Variants in CAPS2 observed in about 807,000 individuals in gnomAD.
The protein encoded by CAPS2 is calcyphosin-2.
CAPS2 carries 98 observed loss-of-function variants against 86.5 expected under a neutral mutation model. The observed-to-expected ratio is 1.13, with a 90% confidence interval of 0.96 to 1.34. The LOEUF (loss-of-function observed/expected upper bound fraction) is 1.34. CAPS2 is among the 40% of genes most tolerant of loss of function. CAPS2 has a pLI of 0.00. For missense variants in CAPS2, 729 were observed against 686.8 expected (o/e 1.06, Z -0.69); for synonymous variants, 210 against 225.1 (o/e 0.93, Z 0.60).
chr12:75,282,276 T>C (rs1331285389), exon 16 of CAPS2: 2 of 1,599,672 alleles, frequency 1.3e-6, no homozygotes, highest in East Asian at 2.2e-5. Context: ...AATGCTTCTT[T>C]GCACAGTAAC....
intron 1 of CAPS2, among the ~76,000 whole-genome samples, chr12:75,388,215 T>C (rs532651672): frequency 8.2e-4 from 125 of 152,304 alleles, no homozygotes; most frequent in Non-Finnish European, 1.2e-3. Flanking sequence ...GCTGCCACCA[T>C]GTAAGATGTC....
chr12:75,310,056 A>G (rs1042056050), intron 7 of CAPS2, among the ~76,000 whole-genome samples: 17 of 152,208 alleles, frequency 1.1e-4, no homozygotes, highest in Non-Finnish European at 2.4e-4. Context: ...TCATTTACCT[A>G]TTCAACAAGT....
At chr12:75,376,046 A>G (rs566190268) in intron 1 of CAPS2, among the ~76,000 whole-genome samples, 25 of 152,212 alleles carry the variant, frequency 1.6e-4, no homozygotes, top group Non-Finnish European at 3.2e-4. Flanking sequence ...GAGTAAGTCT[A>G]AAGTGATGAA....
intron 11 of CAPS2, chr12:75,298,272 T>G (rs2037232828): frequency 6.1e-6 from 1 of 163,372 alleles, no homozygotes; most frequent in African/African-American, 2.4e-5. Context: ...AGGCTATCCA[T>G]CAAAAAAATG....
intron 1 of CAPS2, among the ~76,000 whole-genome samples, chr12:75,375,677 CA>C (rs2044612382): frequency 6.6e-6 from 1 of 152,188 alleles, no homozygotes; most frequent in South Asian, 2.1e-4. Flanking sequence ...AATTAAGTAA[CA>C]ATGCTGTAGG....
chr12:75,324,617 TTGA>T (rs2040599059), intron 2 of CAPS2, among the ~76,000 whole-genome samples: 1 of 152,094 alleles, frequency 6.6e-6, no homozygotes, highest in Admixed American at 6.5e-5. Flanking sequence ...CACATAAATG[TTGA>T]TGTTTATTCA....
rs2043072825 is a variant in CAPS2, at chr12:75,355,193, A to C, written c.-394-31971T>G. 2.0e-5 allele frequency among the ~76,000 whole-genome samples: 3 copies of C among 152,214 alleles called. No individual in the cohort carries two copies. The South Asian group carries it at 6.2e-4, about 32-fold the overall frequency. ...AAACTATCATCAGAGTAAACAAGCA[A>C]CCTACAGAGTGGGAGAAAATTTTAG... is the stretch of plus-strand genomic sequence containing the variant. On this transcript the variant is annotated intron_variant, in intron 1 of 5. Coordinates refer to the CAPS2 transcript ENST00000551829.
upstream of CAPS2, chr12:75,333,706 G>A (rs573696000): frequency 5.9e-5 from 9 of 152,128 alleles, no homozygotes; most frequent in East Asian, 1.7e-3. Context: ...TTTGGTTTTT[G>A]TTTTTTGTGT....
chr12:75,378,197 C>T (rs990184556), intron 1 of CAPS2, among the ~76,000 whole-genome samples: 1 of 152,006 alleles, frequency 6.6e-6, no homozygotes, highest in Non-Finnish European at 1.5e-5. Context: ...TGGGGTTTTG[C>T]CACGTTGCCC....
chr12:75,365,045 T>A (rs2139643615), intron 1 of CAPS2: 1 of 152,222 alleles, frequency 6.6e-6, no homozygotes, highest in South Asian at 2.1e-4. Flanking sequence ...ATTGAGAGGA[T>A]CTGAACTAAT....
At chr12:75,380,145 G>A (rs1379516742) in intron 1 of CAPS2, among the ~76,000 whole-genome samples, 2 of 152,094 alleles carry the variant, frequency 1.3e-5, no homozygotes, top group Non-Finnish European at 1.5e-5. Flanking sequence ...GTTTATGCCA[G>A]GAATATAAAA....
exon 17 of CAPS2, chr12:75,278,392 T>C (rs1390552470): frequency 1.0e-6 from 1 of 982,934 alleles, no homozygotes; most frequent in African/African-American, 1.8e-5. Context: ...TTTAATATTT[T>C]CATGTGTTAA....
exon 17 of CAPS2, chr12:75,277,804 G>A: frequency 1.2e-6 from 1 of 857,884 alleles, no homozygotes; most frequent in South Asian, 5.4e-5. Flanking sequence ...TTAAAATTAT[G>A]AAGTTGAAAA....
intron 13 of CAPS2, among the ~76,000 whole-genome samples, chr12:75,290,425 A>G (rs1309723525): frequency 2.0e-5 from 3 of 152,196 alleles, no homozygotes; most frequent in African/African-American, 7.2e-5. Flanking sequence ...CAGTTATTAG[A>G]TATAATACAT....
intron 1 of CAPS2, chr12:75,367,147 C>G (rs1048029043): frequency 1.6e-6 from 1 of 632,096 alleles, no homozygotes; most frequent in Non-Finnish European, 2.8e-6. Context: ...AAAGTGGAAA[C>G]CAAATAGGGT....
At chr12:75,305,733 G>A (rs1245661135) in intron 7 of CAPS2, 2 of 693,196 alleles carry the variant, frequency 2.9e-6, no homozygotes, top group South Asian at 1.4e-5. Context: ...TGGTACATGC[G>A]GGTCAAGGAC....
chr12:75,381,504 T>C (rs1355165207), intron 1 of CAPS2, among the ~76,000 whole-genome samples: 2 of 150,660 alleles, frequency 1.3e-5, no homozygotes, highest in South Asian at 2.1e-4. Flanking sequence ...GCAGGATGAA[T>C]ATTTCAACTA....
upstream of CAPS2, among the ~76,000 whole-genome samples, chr12:75,329,350 A>C (rs1356809315): frequency 3.3e-5 from 5 of 152,202 alleles, no homozygotes; most frequent in African/African-American, 1.2e-4. Flanking sequence ...AGGAAGGGAA[A>C]GCACTTCTAA....
At chr12:75,378,364 G>C (rs2044773351) in intron 1 of CAPS2, among the ~76,000 whole-genome samples, 1 of 152,116 alleles carries the variant, frequency 6.6e-6, no homozygotes. Flanking sequence ...ACATCTGTCA[G>C]TGTTCTCCAG....
Sources: allele counts gnomAD v4.1 joint callset (sites outside exome capture counted in the v4.1 genomes callset), GRCh38; gene constraint gnomAD v4.1.1; transcripts MANE v1.5; gene names NCBI Gene and HGNC (gene_info 2026-07-23, HGNC 2026-07-21).